The following DNER variants were observed in gnomAD, a reference collection of about 807,000 sequenced individuals.
DNER encodes the protein delta/notch like EGF repeat containing.
A neutral mutation model predicts 78.2 loss-of-function variants in DNER; 33 were observed. The ratio of observed to expected loss-of-function variants is 0.42; its 90% CI spans 0.32 to 0.56. DNER has a LOEUF of 0.56. Among genes scored for constraint, DNER ranks in the 20% least tolerant of loss-of-function variants. The pLI is 0.11. For missense variants in DNER, 918 were observed against 975.3 expected (o/e 0.94, Z 0.78); for synonymous variants, 417 against 384.8 (o/e 1.08, Z -0.98).
intron 10 of DNER, among the ~76,000 whole-genome samples, chr2:229,403,092 G>A (rs901329701): frequency 7.9e-5 from 12 of 152,178 alleles, no homozygotes; most frequent in African/African-American, 2.2e-4. Flanking sequence ...ATTGGATTGA[G>A]TATCTAATTA....
chr2:229,435,020 A>G (rs1694092412), intron 8 of DNER, among the ~76,000 whole-genome samples: 2 of 150,838 alleles, frequency 1.3e-5, no homozygotes, highest in African/African-American at 4.9e-5. Context: ...TGGTAGATTG[A>G]AAAAAAAATA....
At chr2:229,460,285 A>G (rs1694668354) in intron 7 of DNER, among the ~76,000 whole-genome samples, 1 of 151,636 alleles carries the variant, frequency 6.6e-6, no homozygotes, top group East Asian at 1.9e-4. Context: ...CAAGATGTTT[A>G]TGTAAGAAAC....
At chr2:229,696,898 G>A (rs536510256) in intron 1 of DNER, among the ~76,000 whole-genome samples, 85 of 152,256 alleles carry the variant, frequency 5.6e-4, no homozygotes, top group Non-Finnish European at 1.1e-3. Flanking sequence ...TGGGGCTCAG[G>A]TTGTGTAAGA....
At chr2:229,687,773 A>G (rs1345942620) in intron 1 of DNER, among the ~76,000 whole-genome samples, 1 of 152,220 alleles carries the variant, frequency 6.6e-6, no homozygotes, top group Non-Finnish European at 1.5e-5. Flanking sequence ...ACATTTTAAT[A>G]TCTGTAGCTG....
At chr2:229,661,597 T>C (rs1034655827) in intron 1 of DNER, among the ~76,000 whole-genome samples, 10 of 152,108 alleles carry the variant, frequency 6.6e-5, no homozygotes, top group Admixed American at 6.5e-4. Flanking sequence ...AAGTTCAAAC[T>C]CATGTTGTTC....
chr2:229,634,787 G>C (rs550258712), intron 1 of DNER, among the ~76,000 whole-genome samples: 2 of 152,182 alleles, frequency 1.3e-5, no homozygotes, highest in African/African-American at 4.8e-5. Flanking sequence ...CATCCTCTGC[G>C]AGCGGGAAGG....
At chr2:229,446,526 T>C (rs1362455977) in intron 8 of DNER, among the ~76,000 whole-genome samples, 1 of 152,150 alleles carries the variant, frequency 6.6e-6, no homozygotes, top group Non-Finnish European at 1.5e-5. Context: ...CCATACTGAC[T>C]GGCCAGGGAG....
rs1475874079 is a variant in DNER, at chr2:229,447,519, T to C, written c.1283A>G (p.Glu428Gly). The stretch of plus-strand genomic sequence containing the variant: ...CGAGGCGCAGGGGTCCACCTTTTCT[T>C]CACAAGCAGATCCGAAGTATCCTGT... ...CPEGYFGSAC[E>G]EKVDPCASSP... is the part of the protein sequence containing the mutation. The change falls in exon 8 of 13, where the codon GAA (glutamate) becomes GGA (glycine). Residue 428 changes from glutamate to glycine, a missense_variant. By Grantham distance (98) the Glu-to-Gly change is moderately conservative. Coordinates refer to ENST00000341772, the MANE Select transcript of DNER (RefSeq NM_139072.4). 1 of 1,614,130 alleles carries C rather than the reference T, an allele frequency of 6.2e-7. No individual in the cohort carries two copies. Among genetic ancestry groups the C allele is most frequent in the African/African-American group, 1.3e-5 (1 of 75,036 alleles).
intron 5 of DNER, among the ~76,000 whole-genome samples, chr2:229,516,972 G>A (rs192827073): frequency 6.9e-4 from 104 of 150,750 alleles, no homozygotes; most frequent in African/African-American, 2.1e-3. Context: ...TTAGCTGGGC[G>A]TGGTGGCACG....
chr2:229,553,683 G>A (rs192751647), intron 4 of DNER, among the ~76,000 whole-genome samples: 2 of 152,264 alleles, frequency 1.3e-5, no homozygotes, highest in African/African-American at 2.4e-5. Flanking sequence ...GTGAAAAGCC[G>A]CAGGTTCCTC....
chr2:229,459,131 CAT>C (rs1019998250), intron 7 of DNER, among the ~76,000 whole-genome samples: 52 of 152,090 alleles, frequency 3.4e-4, no homozygotes, highest in African/African-American at 1.2e-3. Flanking sequence ...TAAATGAAGA[CAT>C]ATACCACGTT....
chr2:229,676,591 T>A (rs1699304648), intron 1 of DNER, among the ~76,000 whole-genome samples: 1 of 152,164 alleles, frequency 6.6e-6, no homozygotes. Flanking sequence ...GGTCTTCCCA[T>A]CCATCCCTGT....
intron 8 of DNER, among the ~76,000 whole-genome samples, chr2:229,444,804 G>C (rs558286103): frequency 6.6e-6 from 1 of 152,072 alleles, no homozygotes. Context: ...CAGGAGAATC[G>C]CTTGAACCCG....
Position 229,665,318 on chromosome 2 carries a change from A to G in DNER, c.276+48830T>C, listed in dbSNP as rs1574551648. Among the ~76,000 whole-genome samples the G allele has an allele frequency of 2.6e-5, 4 of 152,198 alleles. No homozygotes were observed. In the South Asian group the frequency reaches 8.3e-4, roughly 32 times the overall value. ...AAAGCCATAGTGCCAAGGGATTCCA[A>G]GAAAGCCAGTGTTTGTTCCAAGGGT... On this transcript the variant is annotated intron_variant, in intron 1 of 12. Transcript: ENST00000341772.
At chr2:229,466,847 G>A (rs932313744) in intron 7 of DNER, among the ~76,000 whole-genome samples, 2 of 152,238 alleles carry the variant, frequency 1.3e-5, no homozygotes, top group Middle Eastern at 3.4e-3. Context: ...AGTCAGATCC[G>A]ATTTTGGTTT....
At chr2:229,417,501 G>A (rs1344766375) in intron 9 of DNER, among the ~76,000 whole-genome samples, 1 of 152,124 alleles carries the variant, frequency 6.6e-6, no homozygotes, top group African/African-American at 2.4e-5. Flanking sequence ...AGAGGCCAGT[G>A]AAGATGCTGG....
At chr2:229,492,724 A>T (rs2154211746) in intron 6 of DNER, among the ~76,000 whole-genome samples, 1 of 152,340 alleles carries the variant, frequency 6.6e-6, no homozygotes, top group South Asian at 2.1e-4. Flanking sequence ...GTTGGAGTGC[A>T]GTAGCACAAT....
intron 1 of DNER, among the ~76,000 whole-genome samples, chr2:229,650,126 G>A (rs894532515): frequency 7.3e-5 from 11 of 150,506 alleles, no homozygotes; most frequent in Non-Finnish European, 1.6e-4. Flanking sequence ...TGAACTCCCA[G>A]GTGTAACTTA....
chr2:229,623,483 C>A (rs773569501), intron 1 of DNER, among the ~76,000 whole-genome samples: 8 of 152,150 alleles, frequency 5.3e-5, no homozygotes, highest in Non-Finnish European at 8.8e-5. Context: ...ACTTGTTTTC[C>A]AAGATCCCTG....
Sources: allele counts gnomAD v4.1 joint callset (sites outside exome capture counted in the v4.1 genomes callset), GRCh38; gene constraint gnomAD v4.1.1; transcripts MANE v1.5; gene names NCBI Gene and HGNC (gene_info 2026-07-23, HGNC 2026-07-21).